PCDHGA10: variants seen among roughly 807,000 people sequenced by gnomAD.
PCDHGA10 encodes protocadherin gamma subfamily A, 10, also known as protocadherin gamma-A10.
A neutral mutation model predicts 59.5 loss-of-function variants in PCDHGA10; 42 were observed. The observed-to-expected ratio is 0.71, with a 90% CI of 0.55 to 0.91. The LOEUF (loss-of-function observed/expected upper bound fraction) is 0.91, where lower values mean the gene tolerates loss of function less well. Among genes scored for constraint, PCDHGA10 ranks in the 40% least tolerant of loss-of-function variants. PCDHGA10 has a pLI of 0.00. For missense variants in PCDHGA10, 1,111 were observed against 1,198.2 expected (o/e 0.93, Z 1.07); for synonymous variants, 511 against 517.2 (o/e 0.99, Z 0.16).
At chr5:141,435,103 G>A (rs1468698388) in intron 1 of PCDHGA10, among the ~76,000 whole-genome samples, 2 of 151,914 alleles carry the variant, frequency 1.3e-5, no homozygotes, top group African/African-American at 2.4e-5. Flanking sequence ...TTTATCTAGG[G>A]GGGAGAAATC....
At chr5:141,501,583 T>C (rs1270487304) in intron 2 of PCDHGA10, among the ~76,000 whole-genome samples, 1 of 152,054 alleles carries the variant, frequency 6.6e-6, no homozygotes, top group Non-Finnish European at 1.5e-5. Context: ...GGCTTTCAGG[T>C]TGCAACTCTA....
chr5:141,478,326 C>T, intron 1 of PCDHGA10: 1 of 1,613,950 alleles, frequency 6.2e-7, no homozygotes, highest in Admixed American at 1.7e-5. Flanking sequence ...CTGTACCGAA[C>T]ACCAGGGCCC....
Position 141,489,216 on chromosome 5 carries a change from C to G in PCDHGA10, c.2437-5591C>G. The G allele has an allele frequency of 6.7e-7, 1 of 1,486,698 alleles. No individual in the cohort carries two copies. Among genetic ancestry groups the G allele is most frequent in the Non-Finnish European group, 9.1e-7 (1 of 1,103,260 alleles). 92.1% of individuals were successfully genotyped at this position (1,486,698 alleles called of 1,614,324 possible). ...TTGGAGACAGGACAGCACAGACTTA[C>G]TCTCCACAAAGGGACTTCTGGGTCA... On this transcript the variant is annotated intron_variant, in intron 1 of 3. Transcript: ENST00000398610. This position sits in a 1 kb window ranked among gnomAD's most constrained non-coding sequence, Gnocchi z 4.5.
At chr5:141,455,289 A>G (rs1592356100) in intron 1 of PCDHGA10, among the ~76,000 whole-genome samples, 2 of 152,192 alleles carry the variant, frequency 1.3e-5, no homozygotes, top group East Asian at 3.9e-4. Context: ...ATCACTTTAC[A>G]TAGTTTCATC....
intron 1 of PCDHGA10, among the ~76,000 whole-genome samples, chr5:141,437,052 T>A (rs986734485): frequency 6.6e-5 from 10 of 152,258 alleles, no homozygotes; most frequent in Non-Finnish European, 1.3e-4. Flanking sequence ...AGAAGGCTGG[T>A]GATCATTATT....
chr5:141,421,912 A>G (rs1207036091), intron 1 of PCDHGA10: 2 of 1,613,696 alleles, frequency 1.2e-6, no homozygotes, highest in Admixed American at 1.7e-5. Context: ...CGCAGTTCCC[A>G]TTCGTGTGGT....
Position 141,432,038 on chromosome 5 carries a change from C to G in PCDHGA10, c.2436+16427C>G, listed in dbSNP as rs202246871. ...CAACATCACAGTGACCGCCACTGAC[C>G]GGGGAACCCCGCCCCTATCCACGGA... On this transcript the variant is annotated intron_variant, in intron 1 of 3. Transcript: ENST00000398610. This position sits in a 1 kb window ranked among gnomAD's most constrained non-coding sequence, Gnocchi z 6.0. 2 of 1,614,190 alleles carry G rather than the reference C, an allele frequency of 1.2e-6. No homozygotes were observed. The highest frequency in any genetic ancestry group is 8.5e-7 in the Non-Finnish European group (1 of 1,180,032).
intron 1 of PCDHGA10, chr5:141,421,895 G>T: frequency 2.5e-6 from 4 of 1,613,730 alleles, no homozygotes; most frequent in Non-Finnish European, 3.4e-6. Context: ...GATCCCATCC[G>T]AAAGGGCGCA....
chr5:141,417,034 T>C (rs1408752235), intron 1 of PCDHGA10: 1 of 151,548 alleles, frequency 6.6e-6, no homozygotes, highest in Non-Finnish European at 1.5e-5. Context: ...ACAGGTTTTT[T>C]TTTTAAAAAA....
At chr5:141,427,898 C>A (rs2154552434) in intron 1 of PCDHGA10, 1 of 1,570,872 alleles carries the variant, frequency 6.4e-7, no homozygotes, top group Non-Finnish European at 8.7e-7. Context: ...AGGGCTCGCC[C>A]GCGCTCAGCG....
intron 1 of PCDHGA10, chr5:141,419,960 G>A (rs773071584): frequency 5.0e-6 from 8 of 1,613,960 alleles, no homozygotes; most frequent in South Asian, 4.4e-5. Context: ...CTTGATTTCT[G>A]TGCTCTTTCT....
At chr5:141,439,151 C>T (rs563575567) in intron 1 of PCDHGA10, among the ~76,000 whole-genome samples, 1 of 150,892 alleles carries the variant, frequency 6.6e-6, no homozygotes, top group Admixed American at 6.6e-5. Context: ...TGAGATCACG[C>T]CACTGCACTC....
chr5:141,477,642 A>G lies in PCDHGA10; in HGVS notation c.2437-17165A>G, dbSNP rs767152121. On this transcript the variant is annotated intron_variant, in intron 1 of 3. Transcript: ENST00000398610. The surrounding 1 kb of genome is among the most constrained non-coding windows in gnomAD (Gnocchi z 4.9). ...GCTGAAACCGGGCTAGTGGGTCGCT[A>G]TTTCACAATAAATCGTGACAATGGC... 9 of 1,614,136 alleles carry G rather than the reference A, an allele frequency of 5.6e-6. No individual in the cohort carries two copies. Among genetic ancestry groups the G allele is most frequent in the Non-Finnish European group, 7.6e-6 (9 of 1,180,022 alleles).
chr5:141,448,545 A>T lies in PCDHGA10; in HGVS notation c.2436+32934A>T, dbSNP rs537259621. On this transcript the variant is annotated intron_variant, in intron 1 of 3. Coordinates refer to ENST00000398610, the MANE Select transcript of PCDHGA10 (RefSeq NM_018913.3). ...AGCATCCTGTCAGCATTTCTTATGC[A>T]AATATGTACATATATTTTTATTTCC... 1.5e-4 allele frequency among the ~76,000 whole-genome samples: 23 copies of T among 152,334 alleles called. 1 individual carries two copies. The South Asian group carries it at 2.7e-3, about 18-fold the overall frequency.
intron 2 of PCDHGA10, among the ~76,000 whole-genome samples, chr5:141,497,290 C>A (rs182104163): frequency 4.7e-4 from 72 of 152,184 alleles, no homozygotes; most frequent in Middle Eastern, 3.4e-3. Flanking sequence ...CTCTACCTAC[C>A]ACCACCCCAG....
At chr5:141,422,328 T>C (rs1561800810) in intron 1 of PCDHGA10, 4 of 1,548,502 alleles carry the variant, frequency 2.6e-6, no homozygotes, top group Non-Finnish European at 2.6e-6. Flanking sequence ...GTACAGTGAT[T>C]GCTCTTCTAA....
chr5:141,427,711 A>G, intron 1 of PCDHGA10: 1 of 1,036,496 alleles, frequency 9.6e-7, no homozygotes. Context: ...AGCGCCTCTG[A>G]CCTGGACCTA....
At chr5:141,500,326 A>T (rs1041431019) in intron 2 of PCDHGA10, among the ~76,000 whole-genome samples, 7 of 152,022 alleles carry the variant, frequency 4.6e-5, no homozygotes, top group Non-Finnish European at 1.0e-4. Context: ...CTCCTGCCTC[A>T]GCCTCCAGAA....
chr5:141,442,798 A>G (rs1055527090), intron 1 of PCDHGA10, among the ~76,000 whole-genome samples: 1 of 152,256 alleles, frequency 6.6e-6, no homozygotes, highest in East Asian at 1.9e-4. Flanking sequence ...TTTTACTTTG[A>G]TATTCAAATT....
Sources: allele counts gnomAD v4.1 joint callset (sites outside exome capture counted in the v4.1 genomes callset), GRCh38; gene constraint gnomAD v4.1.1; non-coding constraint Gnocchi (gnomAD v3.1); transcripts MANE v1.5; gene names NCBI Gene and HGNC (gene_info 2026-07-23, HGNC 2026-07-21).